The following RAP1GAP2 variants were observed in gnomAD, a reference collection of about 807,000 sequenced individuals.
The protein encoded by RAP1GAP2 is RAP1 GTPase activating protein 2.
Under a neutral mutation model 95.0 loss-of-function variants are expected in RAP1GAP2, and 27 were observed. That is an observed-to-expected ratio of 0.28 (90% CI 0.21 to 0.39). RAP1GAP2 has a LOEUF of 0.39. Among genes scored for constraint, RAP1GAP2 ranks in the 10% least tolerant of loss-of-function variants. The pLI is 1.00. For synonymous variants in RAP1GAP2, 373 were observed against 380.9 expected (o/e 0.98, Z 0.24); for missense variants, 771 against 970.0 (o/e 0.79, Z 2.72).
intron 2 of RAP1GAP2, among the ~76,000 whole-genome samples, chr17:2,831,004 C>T (rs1443146792): frequency 3.7e-5 from 3 of 80,752 alleles, no homozygotes; most frequent in Non-Finnish European, 5.0e-5. Context: ...ACTTCCCTCC[C>T]CTCCCCTCCT....
At chr17:2,864,747 C>T (rs1286459468) in intron 2 of RAP1GAP2, among the ~76,000 whole-genome samples, 10 of 152,190 alleles carry the variant, frequency 6.6e-5, no homozygotes, top group African/African-American at 9.7e-5. Flanking sequence ...GGCAGCCTAG[C>T]GGGGCGCCCT....
In RAP1GAP2 at chr17:2,904,437, C is replaced by G. The variant is rs1209435800; in HGVS notation, c.81-847C>G. On this transcript the variant is annotated intron_variant, in intron 2 of 24. Coordinates refer to ENST00000254695, the MANE Select transcript of RAP1GAP2 (RefSeq NM_015085.5). This position sits in a 1 kb window ranked among gnomAD's most constrained non-coding sequence, Gnocchi z 4.7. The stretch of plus-strand genomic sequence containing the variant: ...GACACAACTCTGTTTAGCTGCCTCT[C>G]TACCGTCCTAGCCCACATGGACTAA... Among the ~76,000 whole-genome samples, 1 of 152,186 alleles carries G rather than the reference C, an allele frequency of 6.6e-6. No individual in the cohort carries two copies. The highest frequency in any genetic ancestry group is 1.5e-5 in the Non-Finnish European group (1 of 68,040).
At chr17:2,794,870 C>CTTTTTT (rs148825285), upstream of RAP1GAP2, among the ~76,000 whole-genome samples, 1 of 57,934 alleles carries the variant, frequency 1.7e-5, no homozygotes, top group African/African-American at 6.1e-5. Context: ...CGTTTTTTTC[C>CTTTTTT]TTTTTTTTTT....
At chr17:2,946,551 T>G (rs2043702820) in intron 3 of RAP1GAP2, among the ~76,000 whole-genome samples, 2 of 152,180 alleles carry the variant, frequency 1.3e-5, no homozygotes, top group African/African-American at 4.8e-5. Context: ...TAATTTAAGA[T>G]GTCCTATAAA....
At chr17:2,890,288 A>C (rs1333762026) in intron 2 of RAP1GAP2, among the ~76,000 whole-genome samples, 1 of 152,204 alleles carries the variant, frequency 6.6e-6, no homozygotes, top group Non-Finnish European at 1.5e-5. Context: ...ATAGTAATTG[A>C]ATAGACCAGG....
At chr17:2,958,015 G>T (rs1302531491) in intron 4 of RAP1GAP2, among the ~76,000 whole-genome samples, 1 of 152,170 alleles carries the variant, frequency 6.6e-6, no homozygotes, top group Non-Finnish European at 1.5e-5. Context: ...GAGGATAAAA[G>T]CAGAACTTCC....
chr17:3,018,354 G>C (rs1461205966), intron 18 of RAP1GAP2, among the ~76,000 whole-genome samples, 156 bp downstream of exon 18: 2 of 150,314 alleles, frequency 1.3e-5, no homozygotes. Flanking sequence ...GGGTGACCCT[G>C]ACCCCTGACC....
intron 8 of RAP1GAP2, among the ~76,000 whole-genome samples, chr17:2,973,338 A>G (rs1337385820): frequency 1.3e-5 from 2 of 152,274 alleles, no homozygotes; most frequent in East Asian, 3.9e-4. Context: ...CAATGTGGCG[A>G]AACCCTGTCT....
intron 1 of RAP1GAP2, among the ~76,000 whole-genome samples, chr17:2,762,323 C>G (rs188031968): frequency 4.0e-5 from 6 of 151,684 alleles, no homozygotes; most frequent in Non-Finnish European, 8.8e-5. Flanking sequence ...AAGGACTATT[C>G]AGATCCTTTG....
At chr17:2,967,235 G>A (rs1041108179) in intron 8 of RAP1GAP2, among the ~76,000 whole-genome samples, 2 of 152,124 alleles carry the variant, frequency 1.3e-5, no homozygotes, top group South Asian at 4.1e-4. Context: ...GCTGGGCGTG[G>A]TGGCGGGTGC....
chr17:2,932,568 G>T (rs2043187361), intron 3 of RAP1GAP2, among the ~76,000 whole-genome samples: 1 of 135,176 alleles, frequency 7.4e-6, no homozygotes, highest in Non-Finnish European at 1.6e-5. Flanking sequence ...CTGGGTGACA[G>T]AGTGAGACTC....
chr17:3,004,440 G>A lies in RAP1GAP2; in HGVS notation c.1201-929G>A, dbSNP rs1183185167. Among the ~76,000 whole-genome samples the A allele has an allele frequency of 2.6e-5, 4 of 152,268 alleles. No individual in the cohort carries two copies. Among genetic ancestry groups the A allele is most frequent in the African/African-American group, 4.8e-5 (2 of 41,478 alleles). On this transcript the variant is annotated intron_variant, in intron 14 of 24. Coordinates refer to ENST00000254695, the MANE Select transcript of RAP1GAP2 (RefSeq NM_015085.5). This position sits in a 1 kb window ranked among gnomAD's most constrained non-coding sequence, Gnocchi z 4.1. ...CACAGGCCGGGGAGGCTGGCAGCAC[G>A]CCAGGGCTGGGCTCACGTCAGCGGC...
At chr17:2,936,850 A>G (rs1450603677) in intron 3 of RAP1GAP2, among the ~76,000 whole-genome samples, 1 of 152,044 alleles carries the variant, frequency 6.6e-6, no homozygotes, top group Non-Finnish European at 1.5e-5. Context: ...GGCTTTACCC[A>G]TGCTCCTTGC....
At chr17:2,961,807 G>A (rs1022084227) in intron 4 of RAP1GAP2, among the ~76,000 whole-genome samples, 5 of 152,036 alleles carry the variant, frequency 3.3e-5, no homozygotes, top group Non-Finnish European at 5.9e-5. Context: ...GCCTGTTGGC[G>A]TGGGCTCTAG....
intron 3 of RAP1GAP2, among the ~76,000 whole-genome samples, chr17:2,910,509 G>A (rs1351256788): frequency 6.6e-6 from 1 of 152,168 alleles, no homozygotes; most frequent in Non-Finnish European, 1.5e-5. Flanking sequence ...TGAGCCTCGG[G>A]CAGTGGGAGA....
intron 3 of RAP1GAP2, among the ~76,000 whole-genome samples, chr17:2,943,562 G>A (rs2151436940): frequency 6.6e-6 from 1 of 152,206 alleles, no homozygotes; most frequent in East Asian, 1.9e-4. Context: ...CTGCTTGGGA[G>A]CCTGAGGCAG....
intron 11 of RAP1GAP2, among the ~76,000 whole-genome samples, chr17:2,989,591 C>G (rs1198601285): frequency 6.6e-6 from 1 of 152,122 alleles, no homozygotes; most frequent in Non-Finnish European, 1.5e-5. Context: ...CCTCGGCCTC[C>G]CATAGTGCTA....
At chr17:2,782,469 G>T (rs374553119) in intron 1 of RAP1GAP2, among the ~76,000 whole-genome samples, 3 of 152,166 alleles carry the variant, frequency 2.0e-5, no homozygotes, top group Non-Finnish European at 2.9e-5. Context: ...CTGTGATGAG[G>T]CTCCCTTACC....
At chr17:3,015,177 G>T (rs2046715315) in intron 17 of RAP1GAP2, among the ~76,000 whole-genome samples, 1 of 150,196 alleles carries the variant, frequency 6.7e-6, no homozygotes, top group Non-Finnish European at 1.5e-5. Context: ...TAGGAAAACT[G>T]TTGCTAGGTG....
Sources: allele counts gnomAD v4.1 joint callset (sites outside exome capture counted in the v4.1 genomes callset), GRCh38; gene constraint gnomAD v4.1.1; non-coding constraint Gnocchi (gnomAD v3.1); transcripts MANE v1.5; gene names NCBI Gene and HGNC (gene_info 2026-07-23, HGNC 2026-07-21).